The following ARHGEF3 variants were observed in gnomAD, a reference collection of about 807,000 sequenced individuals.
ARHGEF3 encodes the protein 59.8 kDA protein.
A neutral mutation model predicts 63.2 loss-of-function variants in ARHGEF3; 28 were observed. That is an observed-to-expected ratio of 0.44 (90% CI 0.33 to 0.61). The LOEUF is 0.61. Among genes scored for constraint, ARHGEF3 ranks in the 20% least tolerant of loss-of-function variants. The pLI, the probability that ARHGEF3 is intolerant of heterozygous loss-of-function variation, is 0.03. For synonymous variants in ARHGEF3, 266 were observed against 254.2 expected, an observed-to-expected ratio of 1.05 and a Z score of -0.44; for missense variants, 533 against 659.3, an observed-to-expected ratio of 0.81 and a Z score of 2.10.
chr3:57,034,975 T>C lies in ARHGEF3; in HGVS notation c.62+113A>G, dbSNP rs1041958622. On this transcript the variant is annotated intron_variant, in intron 2 of 12. Coordinates refer to the ARHGEF3 transcript ENST00000338458. ...CATGCCTAGCACTATCTCCAAATTCTTGATGGCCTCTACTGACTTATGTAG... is the reference window on the plus strand; with the variant it reads ...CATGCCTAGCACTATCTCCAAATTCCTGATGGCCTCTACTGACTTATGTAG... 1.5e-5 allele frequency: 13 copies of C among 862,308 alleles called. No individual in the cohort carries two copies. The African/African-American group carries it at 2.1e-4, about 14-fold the overall frequency. The allele number at this position is 862,308 out of a possible 1,614,324, so 53.4% of individuals were successfully genotyped here.
intron 2 of ARHGEF3, among the ~76,000 whole-genome samples, chr3:56,998,218 T>C (rs1702064524): frequency 6.6e-6 from 1 of 151,792 alleles, no homozygotes; most frequent in Non-Finnish European, 1.5e-5. Flanking sequence ...CAAAAGAAAA[T>C]GGTCCAAACT....
intron 3 of ARHGEF3, among the ~76,000 whole-genome samples, chr3:56,946,111 A>G (rs1202002577): frequency 6.6e-6 from 1 of 152,190 alleles, no homozygotes; most frequent in Non-Finnish European, 1.5e-5. Context: ...GGACATCCAC[A>G]CCAAAACCCC....
intron 2 of ARHGEF3, among the ~76,000 whole-genome samples, chr3:56,767,812 T>A (rs2035792326): frequency 6.6e-6 from 1 of 151,776 alleles, no homozygotes; most frequent in South Asian, 2.1e-4. Flanking sequence ...AGTGGCATGA[T>A]CTCAGCTCAC....
intron 2 of ARHGEF3, among the ~76,000 whole-genome samples, chr3:56,766,319 G>C (rs556351974): frequency 2.0e-4 from 30 of 152,272 alleles, no homozygotes; most frequent in African/African-American, 7.0e-4. Context: ...CCTGATCTAA[G>C]GGCCAGAGGA....
intron 4 of ARHGEF3, among the ~76,000 whole-genome samples, chr3:56,821,684 TCCAATGGCTGGGCTCACA>T (rs956909853): frequency 1.3e-5 from 2 of 151,994 alleles, no homozygotes; most frequent in African/African-American, 4.8e-5. Flanking sequence ...AATAAAATAA[TCCAATGGCTGGGCTCACA>T]CCTGTAATCC....
intron 3 of ARHGEF3, among the ~76,000 whole-genome samples, chr3:56,933,248 C>T (rs890084840): frequency 6.6e-6 from 1 of 152,186 alleles, no homozygotes. Flanking sequence ...TTTCTTCCCT[C>T]TAAATTGGTA....
chr3:57,039,402 C>T (rs961396031), intron 1 of ARHGEF3, among the ~76,000 whole-genome samples: 6 of 152,232 alleles, frequency 3.9e-5, no homozygotes, highest in East Asian at 1.9e-4. Context: ...GTGACAATGT[C>T]GAGTCAACCT....
chr3:57,072,157 G>A (rs1003758005), intron 1 of ARHGEF3, among the ~76,000 whole-genome samples: 3 of 152,142 alleles, frequency 2.0e-5, no homozygotes, highest in African/African-American at 4.8e-5. Flanking sequence ...TGGAACCCTC[G>A]TGCACTGCTG....
intron 1 of ARHGEF3, among the ~76,000 whole-genome samples, chr3:56,790,723 T>C (rs928447023): frequency 6.6e-6 from 1 of 152,218 alleles, no homozygotes; most frequent in Non-Finnish European, 1.5e-5. Context: ...AATGGGAGCT[T>C]GCCCTGGCCT....
intron 1 of ARHGEF3, among the ~76,000 whole-genome samples, chr3:56,795,804 G>T (rs190210446): frequency 1.3e-5 from 2 of 151,884 alleles, no homozygotes; most frequent in African/African-American, 4.8e-5. Context: ...ACCACGCCTG[G>T]CTAATTTTTG....
intron 1 of ARHGEF3, among the ~76,000 whole-genome samples, chr3:57,042,694 A>G (rs779190242): frequency 0.22 from 9,048 of 41,880 alleles, 1,625 homozygotes; most frequent in East Asian, 0.51. Context: ...ATATATATAT[A>G]TATATATTTT....
chr3:56,769,462 A>C (rs1181084432), intron 2 of ARHGEF3, among the ~76,000 whole-genome samples: 1 of 152,258 alleles, frequency 6.6e-6, no homozygotes, highest in East Asian at 1.9e-4. Context: ...ATAGAGAGCC[A>C]TGCAGTCAGG....
chr3:56,773,418 A>G (rs992924898), intron 2 of ARHGEF3, among the ~76,000 whole-genome samples: 2 of 152,172 alleles, frequency 1.3e-5, no homozygotes, highest in African/African-American at 2.4e-5. Context: ...CAGGAGGCCC[A>G]TAGATATTTT....
chr3:56,882,604 T>C (rs370134305), intron 3 of ARHGEF3, among the ~76,000 whole-genome samples: 130 of 148,254 alleles, frequency 8.8e-4, no homozygotes, highest in African/African-American at 3.0e-3. Flanking sequence ...CTGCAACCTC[T>C]GCCTCCTCGG....
rs373346405 is a variant in ARHGEF3 at position 56,961,097 on chromosome 3, T to C, written c.63-2208A>G. 2.6e-4 allele frequency among the ~76,000 whole-genome samples: 39 copies of C among 152,184 alleles called. 4 individuals are homozygous for C. Among genetic ancestry groups the C allele is most frequent in the Admixed American group, 2.2e-3 (34 of 15,280 alleles). ...TACAGATGTGCCCAGGACTAAGCAC[T>C]TTAGGTACTCTAAGTCTCACAATAA... On this transcript the variant is annotated intron_variant, in intron 2 of 12. Transcript: ENST00000338458.
intron 2 of ARHGEF3, among the ~76,000 whole-genome samples, chr3:57,027,798 G>A (rs34737181): frequency 0.013 from 1,966 of 152,234 alleles, 9 homozygotes; most frequent in Middle Eastern, 0.024. Flanking sequence ...GGTGGAGGTT[G>A]CAGTGAGCCG....
intron 2 of ARHGEF3, among the ~76,000 whole-genome samples, chr3:56,763,634 T>G (rs2035545031): frequency 6.6e-6 from 1 of 152,200 alleles, no homozygotes; most frequent in South Asian, 2.1e-4. Context: ...AGATCCCAAT[T>G]TGAAATACAA....
At chr3:57,062,764 C>G (rs1705301691) in intron 1 of ARHGEF3, among the ~76,000 whole-genome samples, 1 of 152,048 alleles carries the variant, frequency 6.6e-6, no homozygotes, top group Admixed American at 6.6e-5. Context: ...TAATAATTCA[C>G]AGGTAAGAAA....
At chr3:56,772,859 T>G (rs751641076) in intron 2 of ARHGEF3, among the ~76,000 whole-genome samples, 1 of 152,154 alleles carries the variant, frequency 6.6e-6, no homozygotes, top group Non-Finnish European at 1.5e-5. Context: ...TTTACTGATA[T>G]GGAATAGAAG....
Sources: allele counts gnomAD v4.1 joint callset (sites outside exome capture counted in the v4.1 genomes callset), GRCh38; gene constraint gnomAD v4.1.1; transcripts MANE v1.5; gene names NCBI Gene and HGNC (gene_info 2026-07-23, HGNC 2026-07-21).